Variants in SOX6 observed in about 807,000 individuals in gnomAD.
The protein encoded by SOX6 is SRY-box transcription factor 6.
SOX6 carries 11 observed loss-of-function variants against 97.8 expected under a neutral mutation model. The ratio of observed to expected loss-of-function variants is 0.11; its 90% confidence interval spans 0.07 to 0.19. SOX6 has a LOEUF of 0.19. SOX6 is among the 10% of genes least tolerant of loss of function. SOX6 has a pLI of 1.00. For synonymous variants in SOX6, 360 were observed against 371.4 expected, an observed-to-expected ratio of 0.97 and a Z score of 0.35; for missense variants, 810 against 1,039.5, an observed-to-expected ratio of 0.78 and a Z score of 3.04.
At chr11:16,179,608 A>C (rs1851293203) in intron 6 of SOX6, among the ~76,000 whole-genome samples, 1 of 151,934 alleles carries the variant, frequency 6.6e-6, no homozygotes, top group Non-Finnish European at 1.5e-5. Context: ...GCATATGTTA[A>C]ATGATGAGGG....
chr11:16,620,510 T>C (rs1848530866), intron 3 of SOX6, among the ~76,000 whole-genome samples: 1 of 152,168 alleles, frequency 6.6e-6, no homozygotes, highest in African/African-American at 2.4e-5. Context: ...ACTCCAGGGA[T>C]TACTGCCTCA....
chr11:16,336,643 T>A (rs1856468880), intron 2 of SOX6, among the ~76,000 whole-genome samples: 1 of 152,142 alleles, frequency 6.6e-6, no homozygotes, highest in African/African-American at 2.4e-5. Context: ...TCAAATCATG[T>A]TACTCCCTTG....
intron 3 of SOX6, among the ~76,000 whole-genome samples, chr11:16,643,713 C>A (rs1294583089): frequency 1.3e-5 from 2 of 152,234 alleles, no homozygotes; most frequent in African/African-American, 4.8e-5. Flanking sequence ...CCCTCCGAGC[C>A]AGGCGCAGAA....
At chr11:16,250,520 A>G (rs1263392483) in intron 3 of SOX6, among the ~76,000 whole-genome samples, 1 of 152,296 alleles carries the variant, frequency 6.6e-6, no homozygotes, top group South Asian at 2.1e-4. Flanking sequence ...TTCAAAGTAA[A>G]CAAGATAAGT....
At chr11:16,094,993 G>A (rs1277929205) in intron 9 of SOX6, among the ~76,000 whole-genome samples, 1 of 151,760 alleles carries the variant, frequency 6.6e-6, no homozygotes, top group African/African-American at 2.4e-5. Context: ...AACGTCAAAG[G>A]GACCTTTCAT....
Position 16,440,866 on chromosome 11 carries a change from A to G in SOX6, c.-5+35449T>C, listed in dbSNP as rs746946870. Among the ~76,000 whole-genome samples, 3 of 152,152 alleles carry G rather than the reference A, an allele frequency of 2.0e-5. No homozygotes were observed. In the South Asian group the frequency reaches 6.2e-4, roughly 32 times the overall value. ...ACAAGTTTCCTGCTCCATCCTGAAA[A>G]TACATCTACCCATTCAGGGCTGAGA... On this transcript the variant is annotated intron_variant, in intron 1 of 15. Transcript: ENST00000396356.
chr11:16,184,522 T>C (rs999844647), intron 5 of SOX6, among the ~76,000 whole-genome samples: 1 of 152,136 alleles, frequency 6.6e-6, no homozygotes, highest in Non-Finnish European at 1.5e-5. Context: ...TAAAAACAAA[T>C]TAAGCTGTAA....
At chr11:16,471,919 T>C (rs2133116497) in intron 1 of SOX6, among the ~76,000 whole-genome samples, 1 of 152,356 alleles carries the variant, frequency 6.6e-6, no homozygotes, top group South Asian at 2.1e-4. Flanking sequence ...GCATGACATG[T>C]GCCTAAGTGG....
intron 3 of SOX6, among the ~76,000 whole-genome samples, chr11:16,256,085 T>C (rs1335539241): frequency 1.3e-5 from 2 of 151,912 alleles, no homozygotes; most frequent in Non-Finnish European, 2.9e-5. Context: ...AAATCAGTAA[T>C]TAGTAACCTT....
intron 6 of SOX6, among the ~76,000 whole-genome samples, chr11:16,162,770 T>C (rs918078518): frequency 6.6e-6 from 1 of 152,214 alleles, no homozygotes; most frequent in African/African-American, 2.4e-5. Flanking sequence ...AAACAGATGA[T>C]AGTCCATCTT....
intron 3 of SOX6, among the ~76,000 whole-genome samples, chr11:16,291,229 T>TTA (rs10529279): frequency 4.5e-4 from 64 of 143,540 alleles, no homozygotes; most frequent in African/African-American, 1.6e-3. Flanking sequence ...TTCTATAAAT[T>TTA]TATATATATA....
intron 3 of SOX6, among the ~76,000 whole-genome samples, chr11:16,645,221 C>G (rs1300299199): frequency 6.6e-6 from 1 of 152,164 alleles, no homozygotes; most frequent in African/African-American, 2.4e-5. Flanking sequence ...ACAACCAATT[C>G]AAGCTGGCAA....
chr11:16,067,744 C>T (rs971435860), intron 9 of SOX6, among the ~76,000 whole-genome samples: 6 of 152,104 alleles, frequency 3.9e-5, no homozygotes, highest in Non-Finnish European at 7.3e-5. Flanking sequence ...GATTATTATG[C>T]ATTGCATGTC....
At chr11:16,630,286 T>C (rs548368686) in intron 3 of SOX6, among the ~76,000 whole-genome samples, 8 of 152,304 alleles carry the variant, frequency 5.3e-5, no homozygotes, top group South Asian at 4.1e-4. Context: ...TGGTATGTTA[T>C]GTGTCTGTTT....
chr11:16,076,440 G>A (rs1318676653), intron 9 of SOX6, among the ~76,000 whole-genome samples: 1 of 151,020 alleles, frequency 6.6e-6, no homozygotes, highest in Non-Finnish European at 1.5e-5. Flanking sequence ...TAAAGAGTGG[G>A]CAAATTACAT....
chr11:16,157,617 C>T (rs1850636766), intron 6 of SOX6, among the ~76,000 whole-genome samples: 1 of 151,890 alleles, frequency 6.6e-6, no homozygotes, highest in Non-Finnish European at 1.5e-5. Flanking sequence ...AAATGTCATC[C>T]CATTCTCTTG....
At chr11:16,260,373 T>A (rs1292698822) in intron 3 of SOX6, among the ~76,000 whole-genome samples, 1 of 152,188 alleles carries the variant, frequency 6.6e-6, no homozygotes, top group Non-Finnish European at 1.5e-5. Context: ...TATGTTATAT[T>A]GTGAAAATGA....
In SOX6 at chr11:16,575,799, A is replaced by G. The variant is rs999352921; in HGVS notation, n.609+36282T>C. 3.3e-5 allele frequency among the ~76,000 whole-genome samples: 5 copies of G among 152,210 alleles called. No homozygotes were observed. In the South Asian group the frequency reaches 6.2e-4, roughly 19 times the overall value. On this transcript the variant is annotated intron_variant and non_coding_transcript_variant, in intron 4 of 5. Coordinates refer to the SOX6 transcript ENST00000524520. ...AGGGAGTATGGGGGTGTAATTGGGA[A>G]GGAAAACAAGTGGCTTCTGGGAAAA...
intron 4 of SOX6, among the ~76,000 whole-genome samples, chr11:16,565,154 A>T (rs1433773499): frequency 6.6e-6 from 1 of 152,186 alleles, no homozygotes; most frequent in African/African-American, 2.4e-5. Flanking sequence ...TAAAAAGGAT[A>T]GTAAGTGAAT....
Sources: gnomAD v4.1 joint callset for allele counts (sites outside exome capture counted in the v4.1 genomes callset) on GRCh38, gnomAD v4.1.1 for gene constraint, MANE v1.5 for transcripts, NCBI Gene and HGNC (gene_info 2026-07-23, HGNC 2026-07-21) for gene names.